SH3GL3: variants seen among roughly 807,000 people sequenced by gnomAD.
SH3GL3 encodes the protein endophilin-A3.
SH3GL3 carries 33 observed loss-of-function variants against 47.7 expected under a neutral mutation model. The ratio of observed to expected loss-of-function variants is 0.69; its 90% CI spans 0.52 to 0.92. SH3GL3 has a LOEUF of 0.92. Ranked by LOEUF, SH3GL3 falls within the 40% of genes least tolerant of loss-of-function variation. The pLI is 0.00. For missense variants in SH3GL3, 363 were observed against 417.8 expected (o/e 0.87, Z 1.14); for synonymous variants, 155 against 148.8 (o/e 1.04, Z -0.30).
chr15:83,616,543 CTG>C (rs2060824312), intron 8 of SH3GL3, among the ~76,000 whole-genome samples: 1 of 152,096 alleles, frequency 6.6e-6, no homozygotes, highest in African/African-American at 2.4e-5. Flanking sequence ...CGCCTGGCCA[CTG>C]TGATTGCTTT....
At chr15:83,624,526 A>C in the SH3GL3 span, among the ~76,000 whole-genome samples, 2 of 152,360 alleles carry the variant, frequency 1.3e-5, no homozygotes, top group East Asian at 3.9e-4. Context: ...TGCAGAGGGC[A>C]GAAGCAGGAC....
chr15:83,470,662 A>G (rs1300285303), intron 1 of SH3GL3, among the ~76,000 whole-genome samples: 5 of 152,112 alleles, frequency 3.3e-5, no homozygotes, highest in Admixed American at 6.5e-5. Flanking sequence ...AAAGGCTGCC[A>G]TTTTATTTTG....
At chr15:83,557,182 C>G (rs945445079) in intron 1 of SH3GL3, among the ~76,000 whole-genome samples, 22 of 152,218 alleles carry the variant, frequency 1.4e-4, no homozygotes, top group Admixed American at 6.5e-5. Context: ...GGAGGTGCCA[C>G]TCCCCACCCC....
chr15:83,458,698 C>A (rs1006587531), intron 1 of SH3GL3, among the ~76,000 whole-genome samples: 1 of 152,178 alleles, frequency 6.6e-6, no homozygotes, highest in Non-Finnish European at 1.5e-5. Context: ...GAAGACACAC[C>A]TGGCTAGTCA....
At chr15:83,504,795 C>T (rs765940431) in intron 1 of SH3GL3, among the ~76,000 whole-genome samples, 2 of 152,120 alleles carry the variant, frequency 1.3e-5, no homozygotes, top group Non-Finnish European at 2.9e-5. Context: ...TCAGAAACTG[C>T]GTGAGATAAC....
chr15:83,564,599 G>A (rs1354039788), intron 2 of SH3GL3, among the ~76,000 whole-genome samples: 2 of 152,152 alleles, frequency 1.3e-5, no homozygotes, highest in Non-Finnish European at 2.9e-5. Context: ...TTCAGGGAAC[G>A]TTTGGGGAAA....
At chr15:83,490,828 G>A in intron 1 of SH3GL3, 1 of 1,614,170 alleles carries the variant, frequency 6.2e-7, no homozygotes, top group Admixed American at 1.7e-5. Flanking sequence ...ATCAGAAGAT[G>A]AATGAATGGA....
intron 1 of SH3GL3, among the ~76,000 whole-genome samples, chr15:83,501,351 A>G (rs1263836224): frequency 6.7e-6 from 1 of 148,780 alleles, no homozygotes. Flanking sequence ...CATGATTAGT[A>G]CATCATAAAA....
At chr15:83,570,637 A>G (rs564713890) in intron 4 of SH3GL3, among the ~76,000 whole-genome samples, 1 of 152,344 alleles carries the variant, frequency 6.6e-6, no homozygotes, top group South Asian at 2.1e-4. Flanking sequence ...ATATAGTGGT[A>G]ACAAGGCAGG....
chr15:83,448,226 G>A lies in SH3GL3; in HGVS notation c.45+648G>A, dbSNP rs1315229660. Among the ~76,000 whole-genome samples the A allele has an allele frequency of 6.6e-6, 1 of 152,194 alleles. No homozygotes were observed. Among genetic ancestry groups the A allele is most frequent in the African/African-American group, 2.4e-5 (1 of 41,452 alleles). On this transcript the variant is annotated intron_variant, in intron 1 of 8. Transcript: ENST00000427482. The surrounding 1 kb of genome is among the most constrained non-coding windows in gnomAD (Gnocchi z 4.2). ...GCTGACAGCCTGCAGGGGAGACACG[G>A]AGACAGACACGTAAACAAACAGTGC...
At chr15:83,541,841 ACCT>A (rs1352664259) in intron 1 of SH3GL3, among the ~76,000 whole-genome samples, 1 of 151,706 alleles carries the variant, frequency 6.6e-6, no homozygotes, top group East Asian at 1.9e-4. Flanking sequence ...GAGTTATTTG[ACCT>A]CCTTTTATTC....
chr15:83,598,003 A>G (rs543803505), intron 8 of SH3GL3, among the ~76,000 whole-genome samples: 1 of 152,330 alleles, frequency 6.6e-6, no homozygotes, highest in African/African-American at 2.4e-5. Flanking sequence ...TTTCTCATAC[A>G]TTGATGATTC....
chr15:83,596,400 A>G (rs2060238341), intron 8 of SH3GL3, among the ~76,000 whole-genome samples: 1 of 152,196 alleles, frequency 6.6e-6, no homozygotes, highest in Non-Finnish European at 1.5e-5. Context: ...TATTTAATAG[A>G]GTTCTTCAAG....
At chr15:83,449,649 T>C (rs2039638041) in intron 1 of SH3GL3, among the ~76,000 whole-genome samples, 1 of 151,962 alleles carries the variant, frequency 6.6e-6, no homozygotes, top group African/African-American at 2.4e-5. Context: ...TAGTCATGGG[T>C]AGTTTGGTTT....
chr15:83,521,866 A>G (rs575528692), intron 1 of SH3GL3, among the ~76,000 whole-genome samples: 1 of 152,348 alleles, frequency 6.6e-6, no homozygotes, highest in African/African-American at 2.4e-5. Flanking sequence ...GTGTCTGATT[A>G]ATTTCCAAAA....
intron 8 of SH3GL3, among the ~76,000 whole-genome samples, chr15:83,601,954 A>G (rs953095951): frequency 6.6e-6 from 1 of 151,738 alleles, no homozygotes; most frequent in African/African-American, 2.4e-5. Flanking sequence ...GTCTCAAAAA[A>G]AAAAAAAACA....
chr15:83,560,138 G>C (rs1300318189), intron 2 of SH3GL3, among the ~76,000 whole-genome samples: 1 of 152,134 alleles, frequency 6.6e-6, no homozygotes, highest in Non-Finnish European at 1.5e-5. Flanking sequence ...AGAGGAGAGA[G>C]GGAGGAAATG....
At chr15:83,575,871 C>G (rs996413178) in intron 5 of SH3GL3, among the ~76,000 whole-genome samples, 19 of 152,116 alleles carry the variant, frequency 1.2e-4, no homozygotes, top group African/African-American at 4.6e-4. Context: ...GTATAGCTAT[C>G]CCACTCAGCA....
downstream of SH3GL3, among the ~76,000 whole-genome samples, chr15:83,619,142 C>T (rs887203028): frequency 6.6e-6 from 1 of 152,156 alleles, no homozygotes; most frequent in Non-Finnish European, 1.5e-5. Flanking sequence ...CATGCTTTGG[C>T]CCACTGGAGT....
Sources: allele counts gnomAD v4.1 joint callset (sites outside exome capture counted in the v4.1 genomes callset), GRCh38; gene constraint gnomAD v4.1.1; non-coding constraint Gnocchi (gnomAD v3.1); transcripts MANE v1.5; gene names NCBI Gene and HGNC (gene_info 2026-07-23, HGNC 2026-07-21).